The following ARID1A variants were observed in gnomAD, a reference collection of about 807,000 sequenced individuals.
The protein encoded by ARID1A is AT-rich interactive domain-containing protein 1A.
ARID1A carries 20 observed loss-of-function variants against 212.6 expected under a neutral mutation model. That is an observed-to-expected ratio of 0.09 (90% CI 0.07 to 0.14). The LOEUF (loss-of-function observed/expected upper bound fraction) is 0.14. ARID1A is among the 10% of genes least tolerant of loss of function. The probability of loss-of-function intolerance (pLI) is 1.00; values close to 1 mark genes in which losing one functional copy is unlikely to be tolerated. For synonymous variants in ARID1A, 1,376 were observed against 1,222.1 expected (o/e 1.13, Z -2.63); for missense variants, 2,587 against 3,059.0 (o/e 0.85, Z 3.64).
At chr1:26,718,373 G>C (rs1378523745) in intron 1 of ARID1A, among the ~76,000 whole-genome samples, 1 of 152,208 alleles carries the variant, frequency 6.6e-6, no homozygotes, top group East Asian at 1.9e-4. Flanking sequence ...AGGCACTGCA[G>C]GGGCAGAGCT....
chr1:26,699,333 G>A (rs1050071658), intron 1 of ARID1A, among the ~76,000 whole-genome samples: 1 of 152,092 alleles, frequency 6.6e-6, no homozygotes, highest in African/African-American at 2.4e-5. Flanking sequence ...AGTGCTTTTG[G>A]TCAGGGATAT....
At chr1:26,741,105 T>C (rs2080783487) in intron 4 of ARID1A, among the ~76,000 whole-genome samples, 1 of 152,162 alleles carries the variant, frequency 6.6e-6, no homozygotes, top group East Asian at 1.9e-4. Context: ...AGTTAAACCA[T>C]AGAATGAAAC....
chr1:26,780,563 C>G lies in ARID1A; in HGVS notation c.6665C>G (p.Pro2222Arg), dbSNP rs2124151557. 6.2e-7 allele frequency: 1 copy of G among 1,614,136 alleles called. No homozygotes were observed. Among genetic ancestry groups the G allele is most frequent in the Non-Finnish European group, 8.5e-7 (1 of 1,179,952 alleles). Residue 2222 changes from proline (P) to arginine (R), a missense_variant, in exon 20 of 20, where the codon CCC becomes CGC. Physicochemically the swap from Pro to Arg is moderately radical, Grantham distance 103. Coordinates refer to ENST00000324856, the MANE Select transcript of ARID1A (RefSeq NM_006015.6). This position sits in a 1 kb window ranked among gnomAD's most constrained non-coding sequence, Gnocchi z 7.2. ...AGCCTCCTCCACATGCAGAACCCAC[C>G]CTTTGAGCCAACTAGTGTGGACATG... ...QASLLHMQNP[P>R]FEPTSVDMMR...
chr1:26,762,040 A>G (rs770691372), intron 6 of ARID1A, 112 bp from the exon 7 acceptor site: 194 of 1,239,330 alleles, frequency 1.6e-4, no homozygotes, highest in Non-Finnish European at 2.1e-4. Flanking sequence ...TAGAGACTCC[A>G]TGCAAGTGGC....
chr1:26,703,506 T>C (rs1183182113), intron 1 of ARID1A, among the ~76,000 whole-genome samples: 2 of 152,242 alleles, frequency 1.3e-5, no homozygotes, highest in African/African-American at 4.8e-5. Flanking sequence ...CTTAGCTGTT[T>C]ATATAGTAGC....
rs372272181 is a variant in ARID1A, at chr1:26,762,277, A to G, written c.2377A>G (p.Met793Val). Reference protein sequence around the residue: ...TGMGSYQQNSMGSYGPQGGQY... With the variant: ...TGMGSYQQNSVGSYGPQGGQY... Reference sequence around the variant, plus strand: ...CATGGGCTCCTACCAGCAGAACTCCATGGGGAGCTATGGTCCCCAGGGGGG... The same window carrying G: ...CATGGGCTCCTACCAGCAGAACTCCGTGGGGAGCTATGGTCCCCAGGGGGG... Residue 793 changes from methionine to valine, a missense_variant, in exon 7 of 20, where the codon ATG (methionine) becomes GTG (valine). Transcript: ENST00000324856. 1.2e-6 allele frequency: 2 copies of G among 1,614,160 alleles called. No individual in the cohort carries two copies. The highest frequency in any genetic ancestry group is 1.7e-6 in the Non-Finnish European group (2 of 1,180,012).
In ARID1A at chr1:26,762,959, TC is replaced by T. The variant is rs1369180647; in HGVS notation, c.2420-12del. On this transcript the variant is annotated splice_polypyrimidine_tract_variant and intron_variant, in intron 7 of 19. Transcript: ENST00000324856. ...GTGAGTGACTAACCAAGTCTTGTCT[TC>T]CTCCCCTCCCAGGTGGCTACCCCAG... 2.6e-6 allele frequency: 4 copies of T among 1,567,626 alleles called. No homozygotes were observed. The highest frequency in any genetic ancestry group is 1.3e-5 in the African/African-American group (1 of 74,134).
intron 1 of ARID1A, among the ~76,000 whole-genome samples, chr1:26,704,200 G>A (rs963253319): frequency 3.9e-5 from 6 of 152,160 alleles, no homozygotes; most frequent in Non-Finnish European, 7.3e-5. Context: ...CAGGGTCTTA[G>A]TGGTTCTTGT....
chr1:26,775,302 T>C, intron 18 of ARID1A, 82 bp downstream of exon 18: 3 of 1,496,124 alleles, frequency 2.0e-6, no homozygotes, highest in Non-Finnish European at 2.7e-6. Flanking sequence ...CTATTCTGGA[T>C]GAGGTTGAAT....
chr1:26,747,031 A>G (rs954739144), intron 4 of ARID1A, among the ~76,000 whole-genome samples: 1 of 152,072 alleles, frequency 6.6e-6, no homozygotes, highest in African/African-American at 2.4e-5. Context: ...ACAGAGTAAG[A>G]CTCCGTGTCA....
intron 10 of ARID1A, among the ~76,000 whole-genome samples, chr1:26,767,256 C>T (rs2081047595): frequency 6.6e-6 from 1 of 152,230 alleles, no homozygotes; most frequent in African/African-American, 2.4e-5. Flanking sequence ...CAAAGCCCTT[C>T]AACCAGGTGG....
chr1:26,742,398 C>T lies in ARID1A; in HGVS notation c.1920+9606C>T, dbSNP rs192566961. 7.9e-4 allele frequency among the ~76,000 whole-genome samples: 120 copies of T among 152,244 alleles called. 1 individual carries two copies. The Middle Eastern group carries it at 0.01, about 13-fold the overall frequency. On this transcript the variant is annotated intron_variant, in intron 4 of 19. Transcript: ENST00000324856. Reference sequence around the variant, plus strand: ...TGACTAGAGTTTGGTTATTTGGTTCCTGTGTGGGATGAGAGCAAGCCCTGT... The same window carrying T: ...TGACTAGAGTTTGGTTATTTGGTTCTTGTGTGGGATGAGAGCAAGCCCTGT...
chr1:26,713,364 T>A (rs2080471426), intron 1 of ARID1A, among the ~76,000 whole-genome samples: 1 of 151,190 alleles, frequency 6.6e-6, no homozygotes, highest in East Asian at 1.9e-4. Context: ...AAGATTGATT[T>A]TTTTTTTTTT....
At chr1:26,773,300 C>A (rs2124109767) in intron 14 of ARID1A, 46 bp from the exon 15 acceptor site, 1 of 1,528,980 alleles carries the variant, frequency 6.5e-7, no homozygotes, top group Non-Finnish European at 8.8e-7. Flanking sequence ...GATTACCAGG[C>A]TTGTCAACTT....
chr1:26,773,473 T>C lies in ARID1A; in HGVS notation c.3843T>C (p.Tyr1281=). The C allele has an allele frequency of 6.2e-7, 1 of 1,613,286 alleles. No homozygotes were observed. The highest frequency in any genetic ancestry group is 8.5e-7 in the Non-Finnish European group (1 of 1,179,542). The change falls in exon 15 of 20, where the codon TAT becomes TAC. Residue 1281 remains tyrosine (Y), a synonymous_variant. Coordinates refer to ENST00000324856, the MANE Select transcript of ARID1A (RefSeq NM_006015.6). ...VAMGPRQHYP[Y]GGPYDRVRTE... ...TGGGACCACGACAGCACTATCCCTA[T>C]GGAGGTCCTTATGACAGAGTGAGGT... is the stretch of plus-strand genomic sequence containing the variant.
intron 1 of ARID1A, among the ~76,000 whole-genome samples, chr1:26,705,781 A>G (rs552370756): frequency 6.6e-6 from 1 of 152,338 alleles, no homozygotes; most frequent in South Asian, 2.1e-4. Flanking sequence ...GTGAAGGGAC[A>G]TCTGAATGAA....
intron 1 of ARID1A, among the ~76,000 whole-genome samples, chr1:26,709,344 C>T (rs1177364043): frequency 6.6e-6 from 1 of 152,156 alleles, no homozygotes; most frequent in Non-Finnish European, 1.5e-5. Flanking sequence ...TCCCACCTTC[C>T]TCCTGTGCAT....
chr1:26,707,964 T>G (rs780046559), intron 1 of ARID1A, among the ~76,000 whole-genome samples: 1 of 152,206 alleles, frequency 6.6e-6, no homozygotes, highest in Non-Finnish European at 1.5e-5. Flanking sequence ...CAAGATTGTT[T>G]AGGACATTAT....
intron 4 of ARID1A, among the ~76,000 whole-genome samples, chr1:26,734,088 C>T (rs2080705945): frequency 6.6e-6 from 1 of 152,202 alleles, no homozygotes; most frequent in African/African-American, 2.4e-5. Flanking sequence ...AGTGATCACT[C>T]TTTGTTCCCT....
Sources: allele counts gnomAD v4.1 joint callset (sites outside exome capture counted in the v4.1 genomes callset), GRCh38; gene constraint gnomAD v4.1.1; non-coding constraint Gnocchi (gnomAD v3.1); transcripts MANE v1.5; gene names NCBI Gene and HGNC (gene_info 2026-07-23, HGNC 2026-07-21).